Variants in PSEN1 observed in about 807,000 individuals in gnomAD.
PSEN1 encodes the protein presenilin-1.
In PSEN1, 15 loss-of-function variants were observed where a neutral mutation model predicts 53.5. That is an observed-to-expected ratio of 0.28 (90% CI 0.19 to 0.43). The LOEUF (loss-of-function observed/expected upper bound fraction) is 0.43, where lower values mean the gene tolerates loss of function less well. PSEN1 is among the 20% of genes least tolerant of loss of function. The pLI is 1.00. For synonymous variants in PSEN1, 208 were observed against 209.8 expected (o/e 0.99, Z 0.08); for missense variants, 387 against 571.2 (o/e 0.68, Z 3.29).
At chr14:73,137,331 T>C (rs930050334) in intron 1 of PSEN1, 1 of 152,256 alleles carries the variant, frequency 6.6e-6, no homozygotes, top group Non-Finnish European at 1.5e-5. Flanking sequence ...TGAAGTTGAC[T>C]AGGAGGTTTT....
At chr14:73,174,617 C>G (rs756485522) in intron 5 of PSEN1, among the ~76,000 whole-genome samples, 3 of 152,166 alleles carry the variant, frequency 2.0e-5, no homozygotes, top group Non-Finnish European at 2.9e-5. Flanking sequence ...TCACAAATAA[C>G]ACTGTAGGAT....
intron 5 of PSEN1, among the ~76,000 whole-genome samples, chr14:73,177,953 C>T (rs2140053585): frequency 6.6e-6 from 1 of 151,800 alleles, no homozygotes; most frequent in African/African-American, 2.4e-5. Flanking sequence ...TTTTCTGTAC[C>T]ACATTCTTTA....
intron 10 of PSEN1, among the ~76,000 whole-genome samples, chr14:73,214,994 G>A (rs1899853907): frequency 6.6e-6 from 1 of 151,964 alleles, no homozygotes; most frequent in African/African-American, 2.4e-5. Context: ...AGACAATTTC[G>A]CTCGTTGCCT....
intron 1 of PSEN1, among the ~76,000 whole-genome samples, chr14:73,144,523 A>G (rs1897015859): frequency 1.3e-5 from 2 of 152,320 alleles, no homozygotes; most frequent in Non-Finnish European, 2.9e-5. Flanking sequence ...TCATTGCTGT[A>G]AACTCCTACG....
intron 7 of PSEN1, among the ~76,000 whole-genome samples, chr14:73,194,160 TTG>T (rs2140096668): frequency 6.6e-6 from 1 of 152,326 alleles, no homozygotes; most frequent in South Asian, 2.1e-4. Flanking sequence ...GGCTGTTGCC[TTG>T]TATGAAAGCC....
chr14:73,212,836 T>C (rs1401558238), intron 10 of PSEN1, among the ~76,000 whole-genome samples: 3 of 152,254 alleles, frequency 2.0e-5, no homozygotes, highest in Non-Finnish European at 4.4e-5. Context: ...AATAAGACTT[T>C]AGCATATTTT....
chr14:73,171,569 G>C (rs1003803322), intron 4 of PSEN1, among the ~76,000 whole-genome samples: 1 of 152,160 alleles, frequency 6.6e-6, no homozygotes, highest in Non-Finnish European at 1.5e-5. Flanking sequence ...GAGGGGAAAG[G>C]GTTCTTATCC....
rs138245461 is a variant in PSEN1 at position 73,148,192 on chromosome 14, A to G, written c.87+86A>G. Reference sequence around the variant, plus strand: ...ACCTCTGAGAAATGCTGAGGGGGCTAGGCAGGCTTTCTCTACTTTACCACA... The same window carrying G: ...ACCTCTGAGAAATGCTGAGGGGGCTGGGCAGGCTTTCTCTACTTTACCACA... On this transcript the variant is annotated intron_variant, in intron 3 of 11. Coordinates refer to ENST00000324501, the MANE Select transcript of PSEN1 (RefSeq NM_000021.4). The G allele has an allele frequency of 1.3e-3, 1,362 of 1,060,342 alleles. 11 individuals are homozygous for G. Among genetic ancestry groups the G allele is most frequent in the African/African-American group, 9.1e-3 (582 of 63,640 alleles). 65.7% of individuals were successfully genotyped at this position (1,060,342 alleles called of 1,614,324 possible). A position where few individuals can be genotyped will look rare whatever the true frequency, so the allele number is the denominator to read the frequency against.
chr14:73,209,016 C>A, intron 9 of PSEN1: 1 of 367,818 alleles, frequency 2.7e-6, no homozygotes, highest in South Asian at 2.0e-5. Flanking sequence ...GTCAGTGCTG[C>A]CCCAAGCGCC....
chr14:73,144,983 C>T (rs557586590), intron 1 of PSEN1, among the ~76,000 whole-genome samples: 1 of 152,322 alleles, frequency 6.6e-6, no homozygotes, highest in East Asian at 1.9e-4. Context: ...ACCTCCACCT[C>T]CCAGGTTCAA....
At chr14:73,206,137 A>G (rs1899444279) in intron 8 of PSEN1, 2 of 492,276 alleles carry the variant, frequency 4.1e-6, no homozygotes, top group South Asian at 2.2e-5. Flanking sequence ...TTCAGGGACT[A>G]AAAATGATGA....
At chr14:73,151,943 GCTCTGTTGCC>G (rs1566619564) in intron 3 of PSEN1, among the ~76,000 whole-genome samples, 2 of 100,140 alleles carry the variant, frequency 2.0e-5, no homozygotes, top group Admixed American at 3.2e-4. Flanking sequence ...ACGGAGTCTC[GCTCTGTTGCC>G]CAGGCTGGAG....
chr14:73,137,961 C>G (rs1896794437), intron 1 of PSEN1: 1 of 151,526 alleles, frequency 6.6e-6, no homozygotes, highest in South Asian at 2.1e-4. Context: ...CCAGCTGCTC[C>G]CAAGCGAGGC....
chr14:73,141,466 G>A (rs992682003), intron 1 of PSEN1, among the ~76,000 whole-genome samples: 1 of 152,194 alleles, frequency 6.6e-6, no homozygotes, highest in African/African-American at 2.4e-5. Flanking sequence ...TATTCCTAAA[G>A]TTTTTAAATT....
chr14:73,173,968 A>T, intron 5 of PSEN1: 1 of 603,132 alleles, frequency 1.7e-6, no homozygotes, highest in Non-Finnish European at 2.9e-6. Flanking sequence ...TGGGCAACGT[A>T]GCAAGACCCT....
At chr14:73,174,157 G>A in intron 5 of PSEN1, 1 of 190,816 alleles carries the variant, frequency 5.2e-6, no homozygotes. Flanking sequence ...AAAAATAAAA[G>A]CAGAAAACAA....
chr14:73,214,408 T>C (rs1899825551), intron 10 of PSEN1, among the ~76,000 whole-genome samples: 1 of 151,902 alleles, frequency 6.6e-6, no homozygotes, highest in Non-Finnish European at 1.5e-5. Flanking sequence ...CACATGCCTG[T>C]AGTCCCAGCT....
In PSEN1 at chr14:73,202,447, TATATATATATATATA is replaced by T. The variant is rs1265422280; in HGVS notation, c.869-3938_869-3924del. Among the ~76,000 whole-genome samples the T allele has an allele frequency of 1.4e-3, 26 of 18,104 alleles. 2 individuals carry two copies. Among genetic ancestry groups the T allele is most frequent in the African/African-American group, 4.1e-3 (15 of 3,698 alleles). 11.9% of individuals were successfully genotyped at this position (18,104 alleles called of 152,430 possible). The stretch of plus-strand genomic sequence containing the variant: ...ATATATATATATATATATATATATA[TATATATATATATATA>T]TTTTTTTTTTTTTTTTTTTTTTTTT... On this transcript the variant is annotated intron_variant, in intron 8 of 11. Coordinates refer to ENST00000324501, the MANE Select transcript of PSEN1 (RefSeq NM_000021.4).
chr14:73,168,726 C>G (rs1897797439), intron 3 of PSEN1: 1 of 152,290 alleles, frequency 6.6e-6, no homozygotes, highest in South Asian at 2.1e-4. Context: ...TCAATCTGTT[C>G]ATGTGATCTG....
Sources: allele counts gnomAD v4.1 joint callset (sites outside exome capture counted in the v4.1 genomes callset), GRCh38; gene constraint gnomAD v4.1.1; transcripts MANE v1.5; gene names NCBI Gene and HGNC (gene_info 2026-07-23, HGNC 2026-07-21).